ANKRD26: variants seen among roughly 807,000 people sequenced by gnomAD.
ANKRD26 encodes ankyrin repeat domain-containing protein 26.
In ANKRD26, 141 loss-of-function variants were observed where a neutral mutation model predicts 208.7. The observed-to-expected ratio is 0.68, with a 90% CI of 0.59 to 0.78. ANKRD26 has a LOEUF of 0.78. Among genes scored for constraint, ANKRD26 ranks in the 30% least tolerant of loss-of-function variants. The pLI is 0.00. For missense variants in ANKRD26, 1,889 were observed against 1,938.7 expected (o/e 0.97, Z 0.48); for synonymous variants, 636 against 660.4 (o/e 0.96, Z 0.57).
intron 1 of ANKRD26, among the ~76,000 whole-genome samples, chr10:27,095,767 T>G (rs377176998): frequency 6.6e-6 from 1 of 152,192 alleles, no homozygotes; most frequent in Non-Finnish European, 1.5e-5. Context: ...TGGGCAGGTA[T>G]GCAAACATAA....
At chr10:26,973,187 ATAAT>A (rs2052175372), downstream of ANKRD26, among the ~76,000 whole-genome samples, 1 of 152,178 alleles carries the variant, frequency 6.6e-6, no homozygotes, top group Non-Finnish European at 1.5e-5. Flanking sequence ...TTAGTTATTA[ATAAT>A]TGAGAAAAGT....
intron 12 of ANKRD26, chr10:27,061,973 A>G: frequency 2.0e-6 from 2 of 985,236 alleles, no homozygotes; most frequent in Non-Finnish European, 2.4e-6. Flanking sequence ...CTGGAGCAGA[A>G]ATGATCTAAT....
At chr10:26,959,315 T>G in the ANKRD26 span, among the ~76,000 whole-genome samples, 1 of 151,080 alleles carries the variant, frequency 6.6e-6, no homozygotes, top group Admixed American at 6.6e-5. Flanking sequence ...AAGAAACTAC[T>G]TGGAGAGGCG....
chr10:26,968,393 G>A, the ANKRD26 span, among the ~76,000 whole-genome samples: 1 of 152,072 alleles, frequency 6.6e-6, no homozygotes, highest in Non-Finnish European at 1.5e-5. Context: ...ACTGAGGTTG[G>A]CACTCTCTTC....
At position 27,048,932 on chromosome 10, in the gene ANKRD26, T is replaced by G; in HGVS notation, c.1683A>C (p.Ser561=). ...CAGTAGCACCATCATGTATGTTTGCTGATACTTCCATTTCATTATTTCTGT... is the reference window on the plus strand; with the variant it reads ...CAGTAGCACCATCATGTATGTTTGCGGATACTTCCATTTCATTATTTCTGT... The part of the protein sequence containing the change: ...KKHRNNEMEV[S]ANIHDGATDD... Residue 561 remains serine (S), a synonymous_variant, in exon 17 of 34, where the codon TCA becomes TCC. Coordinates refer to ENST00000376087, the MANE Select transcript of ANKRD26 (RefSeq NM_014915.3). The G allele has an allele frequency of 6.2e-7, 1 of 1,610,984 alleles. No homozygotes were observed. Among genetic ancestry groups the G allele is most frequent in the Non-Finnish European group, 8.5e-7 (1 of 1,178,432 alleles).
chr10:26,952,391 T>C, the ANKRD26 span, among the ~76,000 whole-genome samples: 1 of 152,170 alleles, frequency 6.6e-6, no homozygotes, highest in East Asian at 1.9e-4. Context: ...TGAATGCAAA[T>C]GACATTTCTG....
intron 21 of ANKRD26, among the ~76,000 whole-genome samples, chr10:27,038,385 C>T (rs1489124349): frequency 3.9e-5 from 6 of 152,128 alleles, no homozygotes; most frequent in Non-Finnish European, 7.4e-5. Context: ...GCCAGTAGTT[C>T]ATGCCTGTAA....
chr10:27,038,121 G>A lies in ANKRD26; in HGVS notation c.2376-67C>T, dbSNP rs2054104185. 1.1e-5 allele frequency: 14 copies of A among 1,325,666 alleles called. No homozygotes were observed. In the South Asian group the frequency reaches 1.7e-4, roughly 16 times the overall value. The allele number at this position is 1,325,666 out of a possible 1,614,324, so 82.1% of individuals were successfully genotyped here. ...AAATAAAAAGTTCATTGTGTGATAT[G>A]CCGCTTTGTATGTTGGTTTATTACC... On this transcript the variant is annotated intron_variant, in intron 21 of 33. Transcript: ENST00000376087.
At chr10:27,082,616 T>C (rs570538772) in intron 6 of ANKRD26, among the ~76,000 whole-genome samples, 187 bp downstream of exon 6, 62 of 152,300 alleles carry the variant, frequency 4.1e-4, no homozygotes, top group African/African-American at 1.2e-3. Flanking sequence ...TGTGAGGTCA[T>C]GGGCCAATTA....
chr10:27,037,740 T>C, intron 22 of ANKRD26, 131 bp downstream of exon 22: 2 of 741,622 alleles, frequency 2.7e-6, no homozygotes, highest in Non-Finnish European at 4.2e-6. Context: ...ATTTTAGTTA[T>C]AAAGGTCACA....
intron 20 of ANKRD26, among the ~76,000 whole-genome samples, chr10:27,042,352 C>T (rs796629805): frequency 4.6e-5 from 7 of 152,344 alleles, no homozygotes; most frequent in African/African-American, 1.4e-4. Context: ...CACGGTGGCT[C>T]ACGCCCGAAA....
intron 4 of ANKRD26, among the ~76,000 whole-genome samples, chr10:26,997,584 G>A (rs2052621219): frequency 6.6e-6 from 1 of 152,176 alleles, no homozygotes; most frequent in African/African-American, 2.4e-5. Context: ...CTGAGACTGA[G>A]AGGTTTGAGA....
At chr10:27,014,918 AAGTG>A (rs1277155408) in intron 30 of ANKRD26, among the ~76,000 whole-genome samples, 1 of 152,198 alleles carries the variant, frequency 6.6e-6, no homozygotes, top group African/African-American at 2.4e-5. Context: ...AAAGAAATGA[AAGTG>A]AGTTTCTACT....
In ANKRD26 at chr10:27,048,868, G is replaced by C. The variant is rs56151272; in HGVS notation, c.1747C>G (p.Gln583Glu). Residue 583 changes from glutamine (Q) to glutamate (E), a missense_variant, in exon 17 of 34, where the codon CAA becomes GAA. This residue lies in a region of ANKRD26 where 1,272 missense variants were observed against 1,273.8 expected (regional missense o/e 1.00). Coordinates refer to ENST00000376087, the MANE Select transcript of ANKRD26 (RefSeq NM_014915.3). ...EDDDDDDGLI[Q>E]KRKSGETDHQ... ...TCAGTTTCTCCACTCTTTCTTTTTT[G>C]AATTAATCCATCATCATCATCATCA... is the stretch of plus-strand genomic sequence containing the variant. The C allele has an allele frequency of 4.9e-4, 791 of 1,612,586 alleles. 5 individuals are homozygous for C. In the African/African-American group the frequency reaches 8.5e-3, roughly 17 times the overall value.
At chr10:27,097,568 T>C (rs1355946617) in intron 1 of ANKRD26, among the ~76,000 whole-genome samples, 2 of 151,898 alleles carry the variant, frequency 1.3e-5, no homozygotes, top group Non-Finnish European at 2.9e-5. Context: ...CATTAGGGAG[T>C]TCAATATTTT....
At chr10:26,969,525 TC>T (rs1393143816), downstream of ANKRD26, among the ~76,000 whole-genome samples, 3 of 152,190 alleles carry the variant, frequency 2.0e-5, no homozygotes, top group African/African-American at 7.2e-5. Flanking sequence ...ACCAGCCACC[TC>T]CTTGGCAGGG....
rs369233145 is a variant in ANKRD26, at chr10:27,035,548, T to C, written c.2902A>G (p.Thr968Ala). 8.9e-5 allele frequency: 144 copies of C among 1,613,844 alleles called. No individual in the cohort carries two copies. Among genetic ancestry groups the C allele is most frequent in the Non-Finnish European group, 1.0e-4 (120 of 1,179,904 alleles). ...KTIKQNEETL[T>A]QTISQYNGRL... ...CCATTATACTGGGATATTGTTTGTG[T>C]TAATGTTTCCTCATTCTGTTTTATA... The change falls in exon 24 of 34, where the codon ACA becomes GCA. Residue 968 changes from threonine to alanine, a missense_variant. Physicochemically the swap from Thr to Ala is moderately conservative, Grantham distance 58. Transcript: ENST00000376087.
chr10:27,017,991 A>G (rs2053355787), intron 29 of ANKRD26, among the ~76,000 whole-genome samples, 199 bp from the exon 30 acceptor site: 1 of 152,112 alleles, frequency 6.6e-6, no homozygotes, highest in African/African-American at 2.4e-5. Flanking sequence ...TCACAAAAAT[A>G]TATTCCTTAT....
chr10:27,096,856 C>A (rs2056483578), intron 1 of ANKRD26, among the ~76,000 whole-genome samples: 1 of 151,674 alleles, frequency 6.6e-6, no homozygotes, highest in Admixed American at 6.6e-5. Flanking sequence ...AGTCTATATT[C>A]TACCACATTT....
Sources: gnomAD v4.1 joint callset for allele counts (sites outside exome capture counted in the v4.1 genomes callset) on GRCh38, gnomAD v4.1.1 for gene constraint, gnomAD v4.1.1 regional missense constraint, MANE v1.5 for transcripts, NCBI Gene and HGNC (gene_info 2026-07-23, HGNC 2026-07-21) for gene names.